The following NDST4 variants were observed in gnomAD, a reference collection of about 807,000 sequenced individuals.
NDST4 encodes the protein N-heparan sulfate sulfotransferase 4.
NDST4 carries 63 observed loss-of-function variants against 100.8 expected under a neutral mutation model. The ratio of observed to expected loss-of-function variants is 0.62; its 90% CI spans 0.51 to 0.77. The LOEUF (loss-of-function observed/expected upper bound fraction) is 0.77. Ranked by LOEUF, NDST4 falls within the 30% of genes least tolerant of loss-of-function variation. NDST4 has a pLI of 0.00. For synonymous variants in NDST4, 377 were observed against 361.8 expected (o/e 1.04, Z -0.48); for missense variants, 943 against 1,018.4 (o/e 0.93, Z 1.01).
At chr4:114,990,818 C>T (rs1361498354) in intron 2 of NDST4, among the ~76,000 whole-genome samples, 1 of 152,102 alleles carries the variant, frequency 6.6e-6, no homozygotes, top group African/African-American at 2.4e-5. Flanking sequence ...ATGCCCCAGA[C>T]ATCATTGACA....
chr4:114,955,976 T>C (rs965996654), intron 4 of NDST4: 1 of 152,254 alleles, frequency 6.6e-6, no homozygotes, highest in African/African-American at 2.4e-5. Context: ...CATCTCTGTA[T>C]GCAGAAGTTC....
chr4:114,867,676 A>T (rs1724062633), intron 7 of NDST4, among the ~76,000 whole-genome samples: 1 of 146,444 alleles, frequency 6.8e-6, no homozygotes, highest in Admixed American at 6.7e-5. Context: ...AAAAAAAAAA[A>T]AAAAAAGAAA....
chr4:114,857,575 G>T (rs1360263268), intron 7 of NDST4, among the ~76,000 whole-genome samples: 1 of 152,202 alleles, frequency 6.6e-6, no homozygotes, highest in Non-Finnish European at 1.5e-5. Context: ...TTGCAGATGG[G>T]CTAACCCATA....
intron 2 of NDST4, among the ~76,000 whole-genome samples, chr4:115,031,000 C>T (rs566247697): frequency 6.6e-6 from 1 of 152,168 alleles, no homozygotes; most frequent in South Asian, 2.1e-4. Context: ...TGTCATCACC[C>T]CATCTATATT....
At chr4:114,968,548 G>T (rs1384647668) in intron 4 of NDST4, among the ~76,000 whole-genome samples, 3 of 152,168 alleles carry the variant, frequency 2.0e-5, no homozygotes, top group Non-Finnish European at 4.4e-5. Flanking sequence ...GTGGACCATA[G>T]GATCTCTTTC....
rs150124235 is a variant in NDST4, at chr4:114,983,394, G to A, written c.979-6120C>T. Among the ~76,000 whole-genome samples the A allele has an allele frequency of 6.3e-3, 965 of 152,306 alleles. 8 individuals are homozygous for A. Among genetic ancestry groups the A allele is most frequent in the African/African-American group, 0.021 (881 of 41,576 alleles). On this transcript the variant is annotated intron_variant, in intron 2 of 13. Coordinates refer to ENST00000264363, the MANE Select transcript of NDST4 (RefSeq NM_022569.3). ...TTGGGAGTCCACCCCTTGAATCAGC[G>A]TGTCCTGGATGTGAGACCTGAACTC...
chr4:114,969,336 A>G (rs1463380256), intron 4 of NDST4, among the ~76,000 whole-genome samples: 1 of 151,506 alleles, frequency 6.6e-6, no homozygotes, highest in Non-Finnish European at 1.5e-5. Flanking sequence ...AAAAAAAAAA[A>G]AAAAAAAAAA....
intron 2 of NDST4, among the ~76,000 whole-genome samples, chr4:115,028,444 CTCTG>C (rs929236168): frequency 3.9e-5 from 6 of 151,938 alleles, no homozygotes; most frequent in African/African-American, 1.4e-4. Context: ...ATTGCTGAAA[CTCTG>C]TCTGTTGATT....
At chr4:114,994,225 CAG>C (rs886325191) in intron 2 of NDST4, among the ~76,000 whole-genome samples, 4 of 151,916 alleles carry the variant, frequency 2.6e-5, no homozygotes, top group Non-Finnish European at 5.9e-5. Context: ...ACAAACAAAA[CAG>C]AATAAAGTTG....
intron 2 of NDST4, among the ~76,000 whole-genome samples, chr4:115,002,758 A>G (rs766872761): frequency 6.6e-5 from 10 of 152,136 alleles, no homozygotes; most frequent in Non-Finnish European, 1.5e-4. Context: ...AAATCTTTCT[A>G]CTATAAAGAC....
intron 2 of NDST4, among the ~76,000 whole-genome samples, chr4:115,022,488 GTTCCATATATATATA>G (rs1380469870): frequency 3.4e-5 from 5 of 148,196 alleles, no homozygotes; most frequent in East Asian, 2.0e-4. Context: ...CCATATATAT[GTTCCATATATATATA>G]TGTTCCATAT....
At chr4:114,877,774 C>T (rs1043860566) in intron 6 of NDST4, among the ~76,000 whole-genome samples, 1 of 151,914 alleles carries the variant, frequency 6.6e-6, no homozygotes, top group African/African-American at 2.4e-5. Flanking sequence ...CCTGTGAAAC[C>T]CCATCTCTAC....
At chr4:115,055,103 G>A (rs1728665928) in intron 2 of NDST4, among the ~76,000 whole-genome samples, 1 of 152,092 alleles carries the variant, frequency 6.6e-6, no homozygotes, top group South Asian at 2.1e-4. Context: ...ATTGTAAACT[G>A]TATATGCGAA....
chr4:114,881,935 T>C (rs1233051172), intron 6 of NDST4, among the ~76,000 whole-genome samples: 4 of 150,344 alleles, frequency 2.7e-5, no homozygotes, highest in Non-Finnish European at 2.9e-5. Flanking sequence ...TTAGGAAGCA[T>C]TGACAATTAT....
intron 7 of NDST4, among the ~76,000 whole-genome samples, chr4:114,860,107 C>T (rs550550129): frequency 6.6e-6 from 1 of 152,274 alleles, no homozygotes; most frequent in Admixed American, 6.5e-5. Flanking sequence ...AATTAGGTTA[C>T]AGATCCTGGA....
chr4:115,107,889 T>C (rs1405031156), intron 1 of NDST4, among the ~76,000 whole-genome samples: 1 of 151,986 alleles, frequency 6.6e-6, no homozygotes, highest in Non-Finnish European at 1.5e-5. Flanking sequence ...TTGAATTGAG[T>C]TCAACCTCGA....
intron 2 of NDST4, among the ~76,000 whole-genome samples, chr4:115,030,358 A>T (rs1185086801): frequency 6.6e-6 from 1 of 152,150 alleles, no homozygotes; most frequent in Non-Finnish European, 1.5e-5. Context: ...GAGCATCTAA[A>T]AAGTTCATAA....
At position 115,022,496 on chromosome 4, in the gene NDST4, T is replaced by TATATATATGTTCC. The variant is rs1560570303; in HGVS notation, c.979-45235_979-45223dup. On this transcript the variant is annotated intron_variant, in intron 2 of 13. Coordinates refer to ENST00000264363, the MANE Select transcript of NDST4 (RefSeq NM_022569.3). ...ATGTGTTCCATATATATGTTCCATA[T>TATATATATGTTCC]ATATATATGTTCCATATATATATAT... is the stretch of plus-strand genomic sequence containing the variant. Among the ~76,000 whole-genome samples the TATATATATGTTCC allele has an allele frequency of 2.4e-3, 276 of 115,266 alleles. 4 individuals carry two copies. Among genetic ancestry groups the TATATATATGTTCC allele is most frequent in the Middle Eastern group, 7.8e-3 (2 of 258 alleles). The allele number at this position is 115,266 out of a possible 152,430, so 75.6% of individuals were successfully genotyped here.
chr4:114,944,886 C>T (rs1174278457), intron 4 of NDST4, among the ~76,000 whole-genome samples: 1 of 152,106 alleles, frequency 6.6e-6, no homozygotes, highest in Non-Finnish European at 1.5e-5. Context: ...AGCTACTTTT[C>T]AGGAGACGCG....
Sources: allele counts gnomAD v4.1 joint callset (sites outside exome capture counted in the v4.1 genomes callset), GRCh38; gene constraint gnomAD v4.1.1; transcripts MANE v1.5; gene names NCBI Gene and HGNC (gene_info 2026-07-23, HGNC 2026-07-21).